METTL2A: variants seen among roughly 807,000 people sequenced by gnomAD.
The protein encoded by METTL2A is tRNA N(3)-cytidine methyltransferase METTL2A.
In METTL2A, 45 loss-of-function variants were observed where a neutral mutation model predicts 49.4. The ratio of observed to expected loss-of-function variants is 0.91; its 90% CI spans 0.72 to 1.17. METTL2A has a LOEUF of 1.17. Ranked by LOEUF, METTL2A falls within the 50% of genes most tolerant of loss-of-function variation. METTL2A has a pLI of 0.00. For synonymous variants in METTL2A, 118 were observed against 167.5 expected, an observed-to-expected ratio of 0.70 and a Z score of 2.28; for missense variants, 361 against 462.2, an observed-to-expected ratio of 0.78 and a Z score of 2.01.
chr17:62,447,499 A>G (rs527360535), intron 7 of METTL2A, among the ~76,000 whole-genome samples: 6 of 152,284 alleles, frequency 3.9e-5, no homozygotes, highest in East Asian at 1.9e-4. Flanking sequence ...TCATCAAACA[A>G]TTCTAGAGTT....
At chr17:62,441,744 T>C (rs923984522) in intron 6 of METTL2A, among the ~76,000 whole-genome samples, 1 of 106,148 alleles carries the variant, frequency 9.4e-6, no homozygotes, top group Non-Finnish European at 1.6e-5. Context: ...TATGCTGGCC[T>C]TTTTTTTTTT....
intron 4 of METTL2A, 72 bp downstream of exon 4, chr17:62,427,909 G>A (rs1321419929): frequency 1.8e-5 from 26 of 1,421,396 alleles, no homozygotes; most frequent in Non-Finnish European, 2.4e-5. Flanking sequence ...ATTGCTTCAC[G>A]ACAGTAATCC....
intron 4 of METTL2A, among the ~76,000 whole-genome samples, chr17:62,428,220 G>T (rs1195198585): frequency 6.6e-6 from 1 of 152,160 alleles, no homozygotes; most frequent in Non-Finnish European, 1.5e-5. Flanking sequence ...CCATTCTCAT[G>T]ATCTCTGAAG....
chr17:62,443,870 T>C (rs1750426593), intron 6 of METTL2A, among the ~76,000 whole-genome samples: 1 of 152,130 alleles, frequency 6.6e-6, no homozygotes, highest in South Asian at 2.1e-4. Context: ...TTTGGTTTTT[T>C]TTAAGAGGGA....
chr17:62,430,942 C>T (rs1424560668), intron 4 of METTL2A, among the ~76,000 whole-genome samples: 1 of 151,960 alleles, frequency 6.6e-6, no homozygotes, highest in Non-Finnish European at 1.5e-5. Flanking sequence ...CTTGGCTCAC[C>T]GCAACCTCCG....
At chr17:62,439,395 G>C (rs1175975964) in intron 5 of METTL2A, among the ~76,000 whole-genome samples, 1 of 151,888 alleles carries the variant, frequency 6.6e-6, no homozygotes, top group Non-Finnish European at 1.5e-5. Flanking sequence ...GTGAGCCACC[G>C]TGCCTAGCAG....
At chr17:62,431,093 G>A (rs997610184) in intron 4 of METTL2A, among the ~76,000 whole-genome samples, 2 of 151,352 alleles carry the variant, frequency 1.3e-5, no homozygotes, top group Admixed American at 1.3e-4. Flanking sequence ...TCGAACTCCC[G>A]ACTTCAGGTG....
At chr17:62,444,001 A>G (rs1393170859) in intron 6 of METTL2A, among the ~76,000 whole-genome samples, 1 of 152,226 alleles carries the variant, frequency 6.6e-6, no homozygotes, top group Non-Finnish European at 1.5e-5. Context: ...AACACTGCAT[A>G]TGGAAAACAC....
intron 6 of METTL2A, 76 bp from the exon 7 acceptor site, chr17:62,444,761 T>C: frequency 6.8e-7 from 1 of 1,461,034 alleles, no homozygotes; most frequent in Non-Finnish European, 9.5e-7. Flanking sequence ...CACTGGCTTT[T>C]TGGGATATGC....
At chr17:62,427,672 AC>A (rs2070637218) in intron 3 of METTL2A, 115 bp from the exon 4 acceptor site, 2 of 1,476,404 alleles carry the variant, frequency 1.4e-6, no homozygotes, top group Non-Finnish European at 1.8e-6. Context: ...TGGTCACTAC[AC>A]CTTCCCTAAT....
rs1398835991 is a variant in METTL2A at position 62,448,780 on chromosome 17, T to TA, written c.*51_*52insA. On this transcript the variant is annotated 3_prime_UTR_variant, in exon 9 of 9. Coordinates refer to ENST00000311506, the MANE Select transcript of METTL2A (RefSeq NM_181725.4). ...AAGCCCATTGTGTTTCCGGGCTTTT[T>TA]TAAAAAAAAAATTGTAGCACTGGGC... 8.8e-6 allele frequency: 14 copies of TA among 1,598,116 alleles called. No homozygotes were observed. The highest frequency in any genetic ancestry group is 5.3e-5 in the Admixed American group (3 of 56,978).
chr17:62,442,277 T>C (rs1421439588), intron 6 of METTL2A, among the ~76,000 whole-genome samples: 4 of 151,928 alleles, frequency 2.6e-5, no homozygotes, highest in Non-Finnish European at 5.9e-5. Context: ...TGACACTACC[T>C]TCTCTTTTTT....
intron 3 of METTL2A, 89 bp from the exon 4 acceptor site, chr17:62,427,699 T>A: frequency 6.3e-7 from 1 of 1,595,472 alleles, no homozygotes; most frequent in South Asian, 1.1e-5. Flanking sequence ...TAGGCCAGAT[T>A]CTTGTTGATT....
rs138761149 is a variant in METTL2A, at chr17:62,428,450, C to T, written c.608+613C>T. 4.3e-4 allele frequency among the ~76,000 whole-genome samples: 66 copies of T among 152,314 alleles called. 1 individual carries two copies. Among genetic ancestry groups the T allele is most frequent in the African/African-American group, 1.6e-3 (65 of 41,574 alleles). The stretch of plus-strand genomic sequence containing the variant: ...GACACTGTCTACTTGGAGTTGGTGT[C>T]AGATCCCACAAGTTAAGGGTTCGGT... On this transcript the variant is annotated intron_variant, in intron 4 of 8. Coordinates refer to ENST00000311506, the MANE Select transcript of METTL2A (RefSeq NM_181725.4).
At chr17:62,426,766 A>G (rs549838421) in intron 3 of METTL2A, 112 bp downstream of exon 3, 12 of 709,754 alleles carry the variant, frequency 1.7e-5, no homozygotes, top group Middle Eastern at 5.7e-4. Context: ...GATGCTGACT[A>G]GACTTGACCC....
chr17:62,435,376 T>C (rs1240619916), intron 5 of METTL2A, 84 bp downstream of exon 5: 2 of 1,584,170 alleles, frequency 1.3e-6, no homozygotes, highest in East Asian at 4.5e-5. Context: ...TCTCTGGCTG[T>C]GTTCTTATAC....
chr17:62,423,970 G>A lies in METTL2A; in HGVS notation c.68G>A (p.Arg23Gln), dbSNP rs1459662220. ...LADKRQQFGS[R>Q]FLRDPARVFH... ...GATAAGAGGCAGCAGTTCGGAAGCC[G>A]GTTCCTGAGAGATCCGGCGCGCGTC... The change falls in exon 1 of 9, where the codon CGG becomes CAG. Residue 23 changes from arginine (R) to glutamine (Q), a missense_variant. By Grantham distance (43) the Arg-to-Gln change is conservative. Transcript: ENST00000311506. The A allele has an allele frequency of 6.2e-7, 1 of 1,614,036 alleles. No individual in the cohort carries two copies. The highest frequency in any genetic ancestry group is 8.5e-7 in the Non-Finnish European group (1 of 1,180,014).
In METTL2A at chr17:62,452,865, C is replaced by T. The variant is rs1250522762; in HGVS notation, c.*4136C>T. Among the ~76,000 whole-genome samples the T allele has an allele frequency of 6.6e-6, 1 of 152,310 alleles. No individual in the cohort carries two copies. Among genetic ancestry groups the T allele is most frequent in the South Asian group, 2.1e-4 (1 of 4,830 alleles). ...GCTCAAGCAATCCTCCCACCTCGGC[C>T]TCCCAAAGTGCTGGGATGAGCCACT... On this transcript the variant is annotated 3_prime_UTR_variant, in exon 9 of 9. Transcript: ENST00000311506.
rs2070603149 is a variant in METTL2A, at chr17:62,423,925, G to T, written c.23G>T (p.Gly8Val). 3.7e-6 allele frequency: 6 copies of T among 1,613,412 alleles called. No homozygotes were observed. Among genetic ancestry groups the T allele is most frequent in the South Asian group, 1.1e-5 (1 of 90,900 alleles). ...GTCATGGCCGGCTCCTACCCTGAAG[G>T]TGCACCTGCAGTCCTCGCCGATAAG... MAGSYPE[G>V]APAVLADKRQ... The change falls in exon 1 of 9, where the codon GGT (glycine) becomes GTT (valine). Residue 8 changes from glycine (G) to valine (V), a missense_variant. Coordinates refer to ENST00000311506, the MANE Select transcript of METTL2A (RefSeq NM_181725.4).
Sources: gnomAD v4.1 joint callset for allele counts (sites outside exome capture counted in the v4.1 genomes callset) on GRCh38, gnomAD v4.1.1 for gene constraint, MANE v1.5 for transcripts, NCBI Gene and HGNC (gene_info 2026-07-23, HGNC 2026-07-21) for gene names.